Variants in CNBD2 observed in about 807,000 individuals in gnomAD.
The protein encoded by CNBD2 is cyclic nucleotide-binding domain-containing protein 2.
In CNBD2, 64 loss-of-function variants were observed where a neutral mutation model predicts 63.7. The ratio of observed to expected loss-of-function variants is 1.00; its 90% confidence interval spans 0.82 to 1.24. The LOEUF (loss-of-function observed/expected upper bound fraction) is 1.24. Ranked by LOEUF, CNBD2 falls within the 50% of genes most tolerant of loss-of-function variation. CNBD2 has a pLI of 0.00. For synonymous variants in CNBD2, 229 were observed against 255.4 expected (o/e 0.90, Z 0.99); for missense variants, 691 against 713.5 (o/e 0.97, Z 0.36).
At chr20:35,984,194 A>T (rs1418598450) in intron 5 of CNBD2, 56 bp downstream of exon 5, 4 of 1,540,382 alleles carry the variant, frequency 2.6e-6, no homozygotes, top group Non-Finnish European at 3.5e-6. Context: ...AGGTGACAGG[A>T]CTTCTGCTAG....
chr20:35,984,249 C>G, intron 5 of CNBD2, 111 bp downstream of exon 5: 2 of 1,169,830 alleles, frequency 1.7e-6, no homozygotes, highest in Non-Finnish European at 2.4e-6. Flanking sequence ...CTGTACAAGT[C>G]AGTGTCCCGT....
chr20:35,997,900 T>C (rs1222758687), intron 8 of CNBD2, among the ~76,000 whole-genome samples: 6 of 152,194 alleles, frequency 3.9e-5, no homozygotes, highest in Non-Finnish European at 8.8e-5. Flanking sequence ...GTATTTTCAA[T>C]GTTATTCAGT....
chr20:36,004,276 A>G (rs898741237), intron 8 of CNBD2, among the ~76,000 whole-genome samples: 2 of 152,234 alleles, frequency 1.3e-5, no homozygotes, highest in Admixed American at 1.3e-4. Flanking sequence ...TGTGCTGATT[A>G]ATACTCAGCT....
In CNBD2 at chr20:35,981,115, G is replaced by A. The variant is rs539408775; in HGVS notation, c.407+493G>A. Reference sequence around the variant, plus strand: ...AAAGGAGAATCAGGGTGTGATTGGTGGAAAAATATGACCAGATGCTTGACA... The same window carrying A: ...AAAGGAGAATCAGGGTGTGATTGGTAGAAAAATATGACCAGATGCTTGACA... On this transcript the variant is annotated intron_variant, in intron 4 of 11. Transcript: ENST00000373973. 8.5e-5 allele frequency among the ~76,000 whole-genome samples: 13 copies of A among 152,298 alleles called. No individual in the cohort carries two copies. The South Asian group carries it at 2.7e-3, about 32-fold the overall frequency.
intron 2 of CNBD2, 54 bp downstream of exon 2, chr20:35,972,820 G>A (rs1568853459): frequency 6.4e-7 from 1 of 1,568,372 alleles, no homozygotes; most frequent in East Asian, 2.2e-5. Context: ...CCAATAAATT[G>A]CATCCCACTT....
chr20:35,975,953 A>T lies in CNBD2; in HGVS notation c.194A>T (p.Lys65Met). The change falls in exon 3 of 12, where the codon AAG becomes ATG. Residue 65 changes from lysine to methionine, a missense_variant. Transcript: ENST00000373973. ...KHPIFSFWDKKMQSRVTFDTM... is the reference protein window; with the variant it reads ...KHPIFSFWDKMMQSRVTFDTM... ...TCCCTGCCCTCTTTCTTTCAGAAAA[A>T]GATGCAAAGCCGAGTCACATTTGAT... 1 of 1,612,566 alleles carries T rather than the reference A, an allele frequency of 6.2e-7. No homozygotes were observed.
chr20:35,991,650 G>T (rs1348549050), intron 7 of CNBD2, among the ~76,000 whole-genome samples: 1 of 152,110 alleles, frequency 6.6e-6, no homozygotes, highest in Non-Finnish European at 1.5e-5. Flanking sequence ...TCTTTAATCA[G>T]CATAATGATT....
chr20:35,978,258 C>T (rs1020026448), intron 3 of CNBD2, among the ~76,000 whole-genome samples: 3 of 152,098 alleles, frequency 2.0e-5, no homozygotes, highest in African/African-American at 7.2e-5. Flanking sequence ...TCACTGCAAC[C>T]TCAACCTCCT....
chr20:36,002,414 T>TGGGGAGAGGGAG (rs1303642165), intron 8 of CNBD2, among the ~76,000 whole-genome samples: 44 of 151,772 alleles, frequency 2.9e-4, no homozygotes, highest in African/African-American at 9.7e-4. Flanking sequence ...AGGGAGACCG[T>TGGGGAGAGGGAG]GGGGAGAGGG....
At chr20:35,997,980 T>G (rs933031690) in intron 8 of CNBD2, among the ~76,000 whole-genome samples, 2 of 152,202 alleles carry the variant, frequency 1.3e-5, no homozygotes, top group Non-Finnish European at 2.9e-5. Flanking sequence ...AGTGTTTAGT[T>G]TCCAAGCATT....
At chr20:35,966,379 C>T (rs2056344995), upstream of CNBD2, among the ~76,000 whole-genome samples, 1 of 152,158 alleles carries the variant, frequency 6.6e-6, no homozygotes, top group Admixed American at 6.5e-5. Flanking sequence ...CAGTGTCCTT[C>T]TGTCTACCTA....
upstream of CNBD2, among the ~76,000 whole-genome samples, chr20:35,964,939 G>C (rs192855546): frequency 6.6e-5 from 10 of 152,156 alleles, no homozygotes; most frequent in East Asian, 1.9e-3. Flanking sequence ...TTGACCTCGT[G>C]ATCTGTCCAC....
Position 35,972,722 on chromosome 20 carries a change from A to T in CNBD2, c.145A>T (p.Ile49Phe). ...CAGGGGATTCCGGGAATATCAAATC[A>T]TTGAGACTGCTCACTGGAAGCACCC... ...GLRGFREYQI[I>F]ETAHWKHPIF... Residue 49 changes from isoleucine to phenylalanine, a missense_variant, in exon 2 of 12, where the codon ATT becomes TTT. Ile to Phe is a conservative substitution (Grantham distance 21, BLOSUM62 0). Transcript: ENST00000373973. 1 of 1,614,152 alleles carries T rather than the reference A, an allele frequency of 6.2e-7. No individual in the cohort carries two copies. The highest frequency in any genetic ancestry group is 1.3e-5 in the African/African-American group (1 of 75,032).
At chr20:35,964,486 G>C (rs2056330138), upstream of CNBD2, among the ~76,000 whole-genome samples, 1 of 151,840 alleles carries the variant, frequency 6.6e-6, no homozygotes. Flanking sequence ...TGCCTCCTGG[G>C]TTCAAGTGAT....
At chr20:36,018,047 C>T (rs982432246) in intron 10 of CNBD2, among the ~76,000 whole-genome samples, 5 of 152,234 alleles carry the variant, frequency 3.3e-5, no homozygotes, top group Non-Finnish European at 7.3e-5. Flanking sequence ...CCATATGCCC[C>T]ACGCCCAGTT....
At chr20:36,015,168 G>C (rs2057117657) in intron 10 of CNBD2, among the ~76,000 whole-genome samples, 1 of 152,018 alleles carries the variant, frequency 6.6e-6, no homozygotes, top group South Asian at 2.1e-4. Context: ...GTCTTCCTTT[G>C]AGAAATGTCT....
At chr20:35,958,952 A>G (rs766835476), downstream of CNBD2, 6 of 152,218 alleles carry the variant, frequency 3.9e-5, no homozygotes, top group Admixed American at 1.3e-4. Context: ...GCTTGTATCA[A>G]TAGTTTGTCC....
At chr20:36,027,868 G>A (rs1420042476) in intron 11 of CNBD2, among the ~76,000 whole-genome samples, 2 of 152,058 alleles carry the variant, frequency 1.3e-5, no homozygotes, top group African/African-American at 2.4e-5. Context: ...GTTTCACCAT[G>A]TTGGCCAGGC....
chr20:36,030,581 T>TC lies in CNBD2; in HGVS notation c.1670dup (p.Leu558IlefsTer22). Reference sequence around the variant, plus strand: ...ATTTTTATGGCACCCCAGAAATACCTCCCCCCATTGAGGATTGTCCAAGCC... The same window carrying TC: ...ATTTTTATGGCACCCCAGAAATACCTCCCCCCCATTGAGGATTGTCCAAGCC... On this transcript the variant is annotated frameshift_variant, in exon 12 of 12. Coordinates refer to ENST00000373973, the MANE Select transcript of CNBD2 (RefSeq NM_001365709.1). LOFTEE classifies it high-confidence loss of function. The TC allele has an allele frequency of 1.2e-6, 2 of 1,613,848 alleles. No homozygotes were observed. Among genetic ancestry groups the TC allele is most frequent in the South Asian group, 1.1e-5 (1 of 91,064 alleles).
Sources: allele counts gnomAD v4.1 joint callset (sites outside exome capture counted in the v4.1 genomes callset), GRCh38; gene constraint gnomAD v4.1.1; transcripts MANE v1.5; gene names NCBI Gene and HGNC (gene_info 2026-07-23, HGNC 2026-07-21).